TMEM132B: variants seen among roughly 807,000 people sequenced by gnomAD.
TMEM132B encodes the protein transmembrane protein 132B.
In TMEM132B, 18 loss-of-function variants were observed where a neutral mutation model predicts 90.8. The observed-to-expected ratio is 0.20, with a 90% CI of 0.14 to 0.29. The LOEUF is 0.29. Among genes scored for constraint, TMEM132B ranks in the 10% least tolerant of loss-of-function variants. The probability of loss-of-function intolerance (pLI) is 1.00; values close to 1 mark genes in which losing one functional copy is unlikely to be tolerated. For missense variants in TMEM132B, 1,096 were observed against 1,326.8 expected (o/e 0.83, Z 2.70); for synonymous variants, 504 against 523.3 (o/e 0.96, Z 0.50).
chr12:125,304,754 C>A (rs1565997509), intron 1 of TMEM132B, among the ~76,000 whole-genome samples: 1 of 152,050 alleles, frequency 6.6e-6, no homozygotes, highest in Admixed American at 6.6e-5. Flanking sequence ...TCTCTTGAGG[C>A]AGGGAGTTCA....
At chr12:125,261,905 A>C (rs532863923) in intron 1 of TMEM132B, among the ~76,000 whole-genome samples, 81 of 152,252 alleles carry the variant, frequency 5.3e-4, no homozygotes, top group African/African-American at 1.9e-3. Flanking sequence ...ATCATAGCTC[A>C]CTGCATCCTC....
intron 5 of TMEM132B, among the ~76,000 whole-genome samples, chr12:125,599,274 C>G (rs1308426591): frequency 6.6e-6 from 1 of 152,198 alleles, no homozygotes; most frequent in African/African-American, 2.4e-5. Flanking sequence ...TGCCTTTGCT[C>G]CTTCTTCACC....
chr12:125,286,952 C>T (rs1174037738), intron 1 of TMEM132B, among the ~76,000 whole-genome samples: 1 of 152,038 alleles, frequency 6.6e-6, no homozygotes, highest in African/African-American at 2.4e-5. Flanking sequence ...ATCCACCCTC[C>T]TCGGCCTCCC....
chr12:125,303,126 C>T (rs529362049), intron 1 of TMEM132B, among the ~76,000 whole-genome samples: 1 of 152,086 alleles, frequency 6.6e-6, no homozygotes, highest in South Asian at 2.1e-4. Flanking sequence ...AATTCTGTAT[C>T]TATTAAGCAA....
chr12:125,416,210 T>A (rs1880006722), intron 3 of TMEM132B, among the ~76,000 whole-genome samples: 1 of 152,172 alleles, frequency 6.6e-6, no homozygotes. Context: ...ACGTGTCACC[T>A]CACATCAGGA....
chr12:125,653,290 GGTCAAA>G (rs1185349363), intron 8 of TMEM132B, among the ~76,000 whole-genome samples: 1 of 152,050 alleles, frequency 6.6e-6, no homozygotes, highest in Non-Finnish European at 1.5e-5. Context: ...TTTTTAAAAA[GGTCAAA>G]GTCAAATTCT....
chr12:125,554,427 TAAAAAAAAAAAAAAAAAAAAAAAA>T (rs71447048), intron 4 of TMEM132B, among the ~76,000 whole-genome samples: 1 of 69,480 alleles, frequency 1.4e-5, no homozygotes, highest in African/African-American at 5.0e-5. Context: ...TCCATTTCAT[TAAAAAAAAAAAAAAAAAAAAAAAA>T]AAAGATTTAT....
chr12:125,361,686 T>C (rs550073843), intron 2 of TMEM132B, among the ~76,000 whole-genome samples: 1 of 152,316 alleles, frequency 6.6e-6, no homozygotes, highest in East Asian at 1.9e-4. Flanking sequence ...ACATTGTGCT[T>C]AGCTGACACT....
rs1172639788 is a variant in TMEM132B at position 125,407,116 on chromosome 12, G to C, written c.960-8415G>C. 1.3e-5 allele frequency among the ~76,000 whole-genome samples: 2 copies of C among 152,178 alleles called. No homozygotes were observed. Among genetic ancestry groups the C allele is most frequent in the East Asian group, 3.9e-4 (2 of 5,186 alleles). On this transcript the variant is annotated intron_variant, in intron 2 of 8. Coordinates refer to ENST00000682704, the MANE Select transcript of TMEM132B (RefSeq NM_001366854.1). The surrounding 1 kb of genome is among the most constrained non-coding windows in gnomAD (Gnocchi z 6.7). ...GGCTGACTCTCCAGTCCCTCCAGTG[G>C]TCAAGCAGATCCCATGTGGCCCAAG...
chr12:125,495,305 G>A (rs192235360), intron 3 of TMEM132B, among the ~76,000 whole-genome samples: 1,596 of 116,010 alleles, frequency 0.014, 11 homozygotes, highest in Non-Finnish European at 0.02. Flanking sequence ...AAATGGCTGC[G>A]TCCCTCCTCC....
chr12:125,222,531 C>T (rs1008686330), intron 1 of TMEM132B, among the ~76,000 whole-genome samples: 1 of 152,156 alleles, frequency 6.6e-6, no homozygotes, highest in African/African-American at 2.4e-5. Flanking sequence ...ACTTTCTGAA[C>T]ATTTGTTCTT....
At chr12:125,371,295 C>G (rs1878285336) in intron 2 of TMEM132B, among the ~76,000 whole-genome samples, 1 of 152,176 alleles carries the variant, frequency 6.6e-6, no homozygotes, top group Admixed American at 6.5e-5. Flanking sequence ...CTTCTAGCAA[C>G]ACCCAGAAAC....
Position 125,254,118 on chromosome 12 carries a change from C to T in TMEM132B, c.67+67252C>T, listed in dbSNP as rs1050282960. On this transcript the variant is annotated intron_variant, in intron 1 of 8. Coordinates refer to ENST00000682704, the MANE Select transcript of TMEM132B (RefSeq NM_001366854.1). ...CATCCTGGACAACATAGTGAGACCC[C>T]ATCTCTACAAAAAATGCAGAAATTA... 2.0e-5 allele frequency among the ~76,000 whole-genome samples: 3 copies of T among 152,026 alleles called. No homozygotes were observed. In the East Asian group the frequency reaches 5.8e-4, roughly 29 times the overall value.
At chr12:125,242,515 A>C (rs1272636421) in intron 1 of TMEM132B, among the ~76,000 whole-genome samples, 4 of 152,214 alleles carry the variant, frequency 2.6e-5, no homozygotes, top group Admixed American at 6.5e-5. Flanking sequence ...CCTTGAGCCT[A>C]GTTGGAACCA....
intron 5 of TMEM132B, among the ~76,000 whole-genome samples, chr12:125,613,460 T>C (rs1885912423): frequency 1.3e-5 from 2 of 151,516 alleles, no homozygotes; most frequent in Admixed American, 6.6e-5. Context: ...TTATTATTGC[T>C]ATGTTTGAAT....
At chr12:125,433,611 C>T (rs1385681141) in intron 3 of TMEM132B, among the ~76,000 whole-genome samples, 1 of 149,748 alleles carries the variant, frequency 6.7e-6, no homozygotes, top group Non-Finnish European at 1.5e-5. Context: ...TGCTGGTGAG[C>T]TGCACCCACT....
chr12:125,472,123 G>A (rs903369850), intron 3 of TMEM132B, among the ~76,000 whole-genome samples: 5 of 152,208 alleles, frequency 3.3e-5, no homozygotes, highest in Non-Finnish European at 5.9e-5. Context: ...AGCAATTCTA[G>A]TAAACTCTTG....
intron 1 of TMEM132B, among the ~76,000 whole-genome samples, chr12:125,250,194 C>A (rs1874288808): frequency 2.0e-5 from 3 of 152,268 alleles, no homozygotes; most frequent in Admixed American, 2.0e-4. Context: ...CGGCACACCC[C>A]AGTGCCCAGC....
chr12:125,313,998 A>G (rs1876188836), intron 1 of TMEM132B, among the ~76,000 whole-genome samples: 1 of 151,952 alleles, frequency 6.6e-6, no homozygotes, highest in Middle Eastern at 3.4e-3. Context: ...CTTTCAGCAA[A>G]TACAGATTGA....
Sources: allele counts gnomAD v4.1 joint callset (sites outside exome capture counted in the v4.1 genomes callset), GRCh38; gene constraint gnomAD v4.1.1; non-coding constraint Gnocchi (gnomAD v3.1); transcripts MANE v1.5; gene names NCBI Gene and HGNC (gene_info 2026-07-23, HGNC 2026-07-21).